Variants in MINK1 observed in about 807,000 individuals in gnomAD.
MINK1 encodes misshapen like kinase 1.
MINK1 carries 46 observed loss-of-function variants against 178.4 expected under a neutral mutation model. The ratio of observed to expected loss-of-function variants is 0.26; its 90% confidence interval spans 0.20 to 0.33. MINK1 has a LOEUF of 0.33. MINK1 is among the 10% of genes least tolerant of loss of function. The probability of loss-of-function intolerance (pLI) is 1.00; values close to 1 mark genes in which losing one functional copy is unlikely to be tolerated. For synonymous variants in MINK1, 797 were observed against 709.7 expected, an observed-to-expected ratio of 1.12 and a Z score of -1.96; for missense variants, 1,366 against 1,814.9, an observed-to-expected ratio of 0.75 and a Z score of 4.49.
chr17:4,885,646 G>A lies in MINK1; in HGVS notation c.639+33G>A, dbSNP rs982421669. ...GTGGAAAGTTGGGAGCATGGGGGCT[G>A]CCAAGGGCGGGAAGCAATATGGGGA... is the stretch of plus-strand genomic sequence containing the variant. On this transcript the variant is annotated intron_variant, in intron 7 of 31. Transcript: ENST00000355280. This position sits in a 1 kb window ranked among gnomAD's most constrained non-coding sequence, Gnocchi z 5.0. The A allele has an allele frequency of 7.4e-6, 12 of 1,612,458 alleles. No homozygotes were observed. The African/African-American group carries it at 1.5e-4, about 20-fold the overall frequency.
At position 4,885,060 on chromosome 17, in the gene MINK1, G is replaced by A. The variant is rs1467934467; in HGVS notation, c.508+58G>A. 1.9e-6 allele frequency: 3 copies of A among 1,561,526 alleles called. No homozygotes were observed. The highest frequency in any genetic ancestry group is 2.7e-5 in the African/African-American group (2 of 73,736). On this transcript the variant is annotated intron_variant, in intron 6 of 31. Transcript: ENST00000355280. This position sits in a 1 kb window ranked among gnomAD's most constrained non-coding sequence, Gnocchi z 5.0. ...CTTTCACCTCCAGAACAGAGAATGA[G>A]GGGCCCCTTTTTCTCTCTGGTGGCT...
Position 4,894,940 on chromosome 17 carries a change from C to A in MINK1, c.2918-135C>A. The A allele has an allele frequency of 1.0e-6, 1 of 967,396 alleles. No homozygotes were observed. The highest frequency in any genetic ancestry group is 1.5e-6 in the Non-Finnish European group (1 of 655,372). 59.9% of individuals were successfully genotyped at this position (967,396 alleles called of 1,614,324 possible). On this transcript the variant is annotated intron_variant, in intron 24 of 31. Coordinates refer to ENST00000355280, the MANE Select transcript of MINK1 (RefSeq NM_153827.5). The surrounding 1 kb of genome is among the most constrained non-coding windows in gnomAD (Gnocchi z 4.1). Reference sequence around the variant, plus strand: ...CAGCACTCTATCCCCCTCTCCCATGCACCTCCTCTCCTCCTGTCTTTCTCC... The same window carrying A: ...CAGCACTCTATCCCCCTCTCCCATGAACCTCCTCTCCTCCTGTCTTTCTCC...
chr17:4,885,781 G>A lies in MINK1; in HGVS notation c.640-130G>A, dbSNP rs1968146517. On this transcript the variant is annotated intron_variant, in intron 7 of 31. Transcript: ENST00000355280. The surrounding 1 kb of genome is among the most constrained non-coding windows in gnomAD (Gnocchi z 5.0). The stretch of plus-strand genomic sequence containing the variant: ...AAGTGTGGGTGGGAAGATGGGATGG[G>A]TTGGAAGGCACTGCTGCAGGAATGG... 1 of 1,391,548 alleles carries A rather than the reference G, an allele frequency of 7.2e-7. No individual in the cohort carries two copies. The highest frequency in any genetic ancestry group is 1.4e-5 in the African/African-American group (1 of 70,594). The allele number at this position is 1,391,548 out of a possible 1,614,324, so 86.2% of individuals were successfully genotyped here.
Position 4,896,986 on chromosome 17 carries a change from AG to A in MINK1, c.3915+175del. On this transcript the variant is annotated intron_variant, in intron 31 of 31. Coordinates refer to ENST00000355280, the MANE Select transcript of MINK1 (RefSeq NM_153827.5). The surrounding 1 kb of genome is among the most constrained non-coding windows in gnomAD (Gnocchi z 4.6). Reference sequence around the variant, plus strand: ...TGCCCTGCGCTCCCTTCAGATTCCGAGGACTTCCCAGCTGGCCCCCAGGGGG... The same window carrying A: ...TGCCCTGCGCTCCCTTCAGATTCCGAGACTTCCCAGCTGGCCCCCAGGGGG... The A allele has an allele frequency of 3.9e-6, 4 of 1,035,852 alleles. No homozygotes were observed. Among genetic ancestry groups the A allele is most frequent in the Non-Finnish European group, 5.5e-6 (4 of 724,882 alleles). The allele number at this position is 1,035,852 out of a possible 1,614,324, so 64.2% of individuals were successfully genotyped here.
intron 1 of MINK1, among the ~76,000 whole-genome samples, chr17:4,872,758 A>G (rs568556215): frequency 6.6e-5 from 10 of 152,062 alleles, no homozygotes; most frequent in African/African-American, 2.4e-4. Context: ...GGTGACAGAG[A>G]CTCTGTCTCA....
At chr17:4,843,053 C>T (rs942037034) in intron 1 of MINK1, among the ~76,000 whole-genome samples, 9 of 152,166 alleles carry the variant, frequency 5.9e-5, no homozygotes, top group African/African-American at 2.2e-4. Context: ...GGCTCCTGGC[C>T]TTGGGTAGCT....
rs369378005 is a variant in MINK1 at position 4,892,653 on chromosome 17, C to T, written c.2199-3C>T. On this transcript the variant is annotated splice_region_variant and splice_polypyrimidine_tract_variant and intron_variant, in intron 18 of 31. Transcript: ENST00000355280. ...CCTGACCCTGACTCTGCCCCCCCAA[C>T]AGTAACCCCGACCTCAGGAGGAGCG... 19 of 1,599,682 alleles carry T rather than the reference C, an allele frequency of 1.2e-5. No homozygotes were observed. The African/African-American group carries it at 2.3e-4, about 19-fold the overall frequency.
At chr17:4,890,446 G>T in intron 13 of MINK1, 71 bp from the exon 14 acceptor site, 1 of 1,517,506 alleles carries the variant, frequency 6.6e-7, no homozygotes, top group Non-Finnish European at 8.9e-7. Context: ...TTGGAGAAAA[G>T]AGAGGGCATG....
chr17:4,873,728 C>A (rs1047936187), intron 1 of MINK1, among the ~76,000 whole-genome samples: 2 of 150,196 alleles, frequency 1.3e-5, no homozygotes, highest in African/African-American at 4.9e-5. Flanking sequence ...AAGCGATTCT[C>A]CTGCCTCAGC....
chr17:4,897,173 C>T (rs751998387), intron 31 of MINK1, 31 bp from the exon 32 acceptor site: 8 of 1,600,072 alleles, frequency 5.0e-6, no homozygotes, highest in African/African-American at 1.3e-5. Flanking sequence ...CAACCTCAGC[C>T]CTTGGTGACT....
rs1233722405 is a variant in MINK1, at chr17:4,890,546, G to A, written c.1377G>A (p.Gln459=). Residue 459 remains glutamine, a synonymous_variant, in exon 14 of 32, where the codon CAG becomes CAA. Coordinates refer to ENST00000355280, the MANE Select transcript of MINK1 (RefSeq NM_153827.5). ...QEYKRKQLEE[Q]RQSERLQRQL... ...ACAAGCGGAAGCAGCTGGAGGAGCA[G>A]CGGCAGTCAGAACGTCTCCAGAGGC... is the stretch of plus-strand genomic sequence containing the variant. 1 of 1,590,012 alleles carries A rather than the reference G, an allele frequency of 6.3e-7. No homozygotes were observed. Among genetic ancestry groups the A allele is most frequent in the Non-Finnish European group, 8.6e-7 (1 of 1,168,938 alleles).
chr17:4,846,644 G>A (rs1022621060), intron 1 of MINK1, among the ~76,000 whole-genome samples: 1 of 152,172 alleles, frequency 6.6e-6, no homozygotes, highest in African/African-American at 2.4e-5. Context: ...AAGTGTTTGT[G>A]TTTAAAGCAG....
intron 1 of MINK1, among the ~76,000 whole-genome samples, chr17:4,853,890 T>C (rs1912605663): frequency 6.6e-6 from 1 of 152,016 alleles, no homozygotes; most frequent in South Asian, 2.1e-4. Context: ...CTGAAAGACT[T>C]TGCAAGATAC....
Position 4,891,135 on chromosome 17 carries a change from C to T in MINK1, c.1740+11C>T, listed in dbSNP as rs1968747811. ...GAGGGACCGCACAAGGTGAGTCTCT[C>T]CCCACCCCTGTCTTAATGAAGACAC... On this transcript the variant is annotated intron_variant, in intron 15 of 31. Coordinates refer to ENST00000355280, the MANE Select transcript of MINK1 (RefSeq NM_153827.5). 3 of 1,502,556 alleles carry T rather than the reference C, an allele frequency of 2.0e-6. No homozygotes were observed. Among genetic ancestry groups the T allele is most frequent in the Non-Finnish European group, 1.8e-6 (2 of 1,126,402 alleles). The allele number at this position is 1,502,556 out of a possible 1,614,324, so 93.1% of individuals were successfully genotyped here.
intron 1 of MINK1, among the ~76,000 whole-genome samples, chr17:4,848,852 A>G (rs1055636126): frequency 6.6e-6 from 1 of 152,154 alleles, no homozygotes; most frequent in South Asian, 2.1e-4. Flanking sequence ...CTCACCTAAT[A>G]GGGATGTTGA....
At position 4,894,046 on chromosome 17, in the gene MINK1, A is replaced by G. The variant is rs1969161773; in HGVS notation, c.2623A>G (p.Thr875Ala). Residue 875 changes from threonine (T) to alanine (A), a missense_variant, in exon 22 of 32, where the codon ACC becomes GCC. Coordinates refer to ENST00000355280, the MANE Select transcript of MINK1 (RefSeq NM_153827.5). This position sits in a 1 kb window ranked among gnomAD's most constrained non-coding sequence, Gnocchi z 4.1. ...GGTGGTCCACGACGTCGAGGAGATC[A>G]CCGGGACCCAGCCCCCATACGGGGG... ...TMVVHDVEEI[T>A]GTQPPYGGGT... 2 of 1,590,040 alleles carry G rather than the reference A, an allele frequency of 1.3e-6. No homozygotes were observed. The highest frequency in any genetic ancestry group is 1.1e-5 in the South Asian group (1 of 89,024).
In MINK1 at chr17:4,892,594, G is replaced by T; in HGVS notation, c.2199-62G>T. 3.2e-6 allele frequency: 5 copies of T among 1,547,082 alleles called. No individual in the cohort carries two copies. In the South Asian group the frequency reaches 5.9e-5, roughly 18 times the overall value. ...TGGTGATGGCTCCCTCTGCAGTGCA[G>T]CTCAGCACCCCAGAGAAGGGAGCAC... On this transcript the variant is annotated intron_variant, in intron 18 of 31. Coordinates refer to ENST00000355280, the MANE Select transcript of MINK1 (RefSeq NM_153827.5).
rs763707163 is a variant in MINK1 at position 4,886,547 on chromosome 17, G to A, written c.870G>A (p.Arg290=). The change falls in exon 10 of 32, where the codon CGG becomes CGA. Residue 290 remains arginine, a synonymous_variant. Transcript: ENST00000355280. The surrounding 1 kb of genome is among the most constrained non-coding windows in gnomAD (Gnocchi z 6.1). ...TEQLLKFPFI[R]DQPTERQVRI... The stretch of plus-strand genomic sequence containing the variant: ...AGCTACTGAAGTTTCCCTTCATCCG[G>A]GACCAGCCCACGGAGCGGCAGGTCC... 6.2e-7 allele frequency: 1 copy of A among 1,613,694 alleles called. No individual in the cohort carries two copies.
chr17:4,852,046 T>G (rs905057054), intron 1 of MINK1, among the ~76,000 whole-genome samples: 39 of 149,702 alleles, frequency 2.6e-4, no homozygotes, highest in African/African-American at 9.2e-4. Flanking sequence ...GTCCACTCTC[T>G]GGTAAAACAT....
Sources: allele counts gnomAD v4.1 joint callset (sites outside exome capture counted in the v4.1 genomes callset), GRCh38; gene constraint gnomAD v4.1.1; non-coding constraint Gnocchi (gnomAD v3.1); transcripts MANE v1.5; gene names NCBI Gene and HGNC (gene_info 2026-07-23, HGNC 2026-07-21).